MS4A15: variants seen among roughly 807,000 people sequenced by gnomAD.
MS4A15 encodes the protein membrane-spanning 4-domains subfamily A member 15.
A neutral mutation model predicts 20.6 loss-of-function variants in MS4A15; 22 were observed. The observed-to-expected ratio is 1.07, with a 90% CI of 0.76 to 1.52. The LOEUF (loss-of-function observed/expected upper bound fraction) is 1.52, where lower values mean the gene tolerates loss of function less well. Ranked by LOEUF, MS4A15 falls within the 40% of genes most tolerant of loss-of-function variation. MS4A15 has a pLI of 0.00. For synonymous variants in MS4A15, 129 were observed against 129.3 expected, an observed-to-expected ratio of 1.00 and a Z score of 0.02; for missense variants, 312 against 323.0, an observed-to-expected ratio of 0.97 and a Z score of 0.26.
At chr11:60,758,012 G>A (rs1853635339) in intron 1 of MS4A15, among the ~76,000 whole-genome samples, 1 of 152,214 alleles carries the variant, frequency 6.6e-6, no homozygotes. Context: ...TCTGGGAAAT[G>A]GCTATAAGAT....
intron 1 of MS4A15, 27 bp downstream of exon 1, chr11:60,757,085 G>A (rs958910997): frequency 2.0e-5 from 3 of 152,248 alleles, no homozygotes; most frequent in Admixed American, 1.3e-4. Flanking sequence ...ACTCCCGTCA[G>A]GAGGATGGGA....
chr11:60,758,067 C>T (rs536775577), intron 1 of MS4A15, among the ~76,000 whole-genome samples: 6 of 152,216 alleles, frequency 3.9e-5, no homozygotes, highest in Non-Finnish European at 8.8e-5. Flanking sequence ...TTGGTTTCAG[C>T]TGCAGAATAT....
At chr11:60,758,540 C>T (rs1437753302) in intron 1 of MS4A15, among the ~76,000 whole-genome samples, 1 of 152,220 alleles carries the variant, frequency 6.6e-6, no homozygotes, top group Non-Finnish European at 1.5e-5. Flanking sequence ...CTGACTCAAA[C>T]TTTTGCTGCA....
intron 3 of MS4A15, among the ~76,000 whole-genome samples, chr11:60,770,765 G>A (rs1417860944): frequency 1.3e-5 from 2 of 150,022 alleles, no homozygotes; most frequent in Non-Finnish European, 3.0e-5. Flanking sequence ...GAGTGCAGTG[G>A]CACTATCTTG....
chr11:60,765,815 C>T (rs1192669598), intron 2 of MS4A15, among the ~76,000 whole-genome samples: 1 of 150,518 alleles, frequency 6.6e-6, no homozygotes, highest in Non-Finnish European at 1.5e-5. Context: ...ACTTGTGGCC[C>T]ATGGAGACAG....
intron 4 of MS4A15, 58 bp from the exon 5 acceptor site, chr11:60,773,334 T>C: frequency 2.0e-6 from 3 of 1,471,914 alleles, no homozygotes; most frequent in South Asian, 2.4e-5. Flanking sequence ...CCACAGCCCC[T>C]GCCTTTTCTC....
chr11:60,775,327 A>AAAG (rs1554970135), intron 6 of MS4A15, among the ~76,000 whole-genome samples: 3 of 150,724 alleles, frequency 2.0e-5, no homozygotes, highest in Non-Finnish European at 3.0e-5. Context: ...CAAAAAAAAA[A>AAAG]AGAAAAGAAA....
intron 6 of MS4A15, 38 bp from the exon 7 acceptor site, chr11:60,775,567 A>G (rs771349033): frequency 4.5e-5 from 71 of 1,561,122 alleles, no homozygotes; most frequent in Non-Finnish European, 5.5e-5. Flanking sequence ...CTGAAGCTCC[A>G]GCGTCCTCCA....
chr11:60,757,586 G>T (rs1853626016), intron 1 of MS4A15, among the ~76,000 whole-genome samples: 1 of 152,038 alleles, frequency 6.6e-6, no homozygotes. Flanking sequence ...TCATGAGGAC[G>T]GACCGGAGCC....
At chr11:60,767,692 A>G (rs1853920321) in intron 3 of MS4A15, 37 bp downstream of exon 3, 4 of 1,508,326 alleles carry the variant, frequency 2.7e-6, no homozygotes, top group Non-Finnish European at 3.6e-6. Flanking sequence ...GGGTAGGGGG[A>G]TGCTGCCCAG....
At chr11:60,759,527 G>A (rs575978413) in intron 1 of MS4A15, among the ~76,000 whole-genome samples, 25 of 152,226 alleles carry the variant, frequency 1.6e-4, no homozygotes, top group South Asian at 4.1e-4. Flanking sequence ...CCCGACACCC[G>A]TAAAGGGTCT....
At chr11:60,764,082 A>G in intron 2 of MS4A15, 124 bp downstream of exon 2, 1 of 874,598 alleles carries the variant, frequency 1.1e-6, no homozygotes, top group Non-Finnish European at 1.7e-6. Context: ...TCAAAGATTC[A>G]GCCATGCACC....
chr11:60,775,672 C>T lies in MS4A15; in HGVS notation c.680C>T (p.Pro227Leu), dbSNP rs1342982575. 12 of 1,613,902 alleles carry T rather than the reference C, an allele frequency of 7.4e-6. No homozygotes were observed. The South Asian group carries it at 1.3e-4, about 18-fold the overall frequency. Residue 227 changes from proline to leucine, a missense_variant, in exon 7 of 7, where the codon CCC becomes CTC. By Grantham distance (98) the Pro-to-Leu change is moderately conservative. Transcript: ENST00000405633. ...FNIPSPAASA[P>L]PAYDNVAYAQ... The stretch of plus-strand genomic sequence containing the variant: ...ATCCCCAGCCCGGCAGCCTCTGCGC[C>T]CCCTGCCTATGACAATGTGGCATAT...
At chr11:60,760,922 G>C (rs1378315015) in intron 1 of MS4A15, among the ~76,000 whole-genome samples, 2 of 152,192 alleles carry the variant, frequency 1.3e-5, no homozygotes, top group African/African-American at 2.4e-5. Context: ...AGAAGCCTCT[G>C]TAACTGCAGA....
At chr11:60,757,255 T>A (rs922784633) in intron 1 of MS4A15, among the ~76,000 whole-genome samples, 197 bp downstream of exon 1, 4 of 152,258 alleles carry the variant, frequency 2.6e-5, no homozygotes, top group African/African-American at 9.6e-5. Flanking sequence ...TCGGCAGGAA[T>A]GCCCTTGGTT....
At chr11:60,775,361 G>A (rs1227482521) in intron 6 of MS4A15, among the ~76,000 whole-genome samples, 2 of 151,930 alleles carry the variant, frequency 1.3e-5, no homozygotes, top group East Asian at 3.9e-4. Context: ...GAACGTTAGC[G>A]CCTGGAGAAA....
chr11:60,764,100 C>T (rs1853821675), intron 2 of MS4A15, 142 bp downstream of exon 2: 2 of 742,834 alleles, frequency 2.7e-6, no homozygotes, highest in Non-Finnish European at 4.4e-6. Context: ...ACCAGGTAGA[C>T]AAGCACCCTT....
Position 60,775,743 on chromosome 11 carries a change from G to T in MS4A15, c.*28G>T. On this transcript the variant is annotated 3_prime_UTR_variant, in exon 7 of 7. Transcript: ENST00000405633. ...AGCAGATGTGGCACCTGCGGGTGGA[G>T]TCCAGCCTTTTCCCTCTGGGCCCAG... The T allele has an allele frequency of 6.3e-7, 1 of 1,584,478 alleles. No individual in the cohort carries two copies. The highest frequency in any genetic ancestry group is 8.6e-7 in the Non-Finnish European group (1 of 1,156,234).
At chr11:60,772,167 C>T (rs1246082018) in intron 4 of MS4A15, among the ~76,000 whole-genome samples, 4 of 152,094 alleles carry the variant, frequency 2.6e-5, no homozygotes, top group South Asian at 4.1e-4. Context: ...CGGAAGAGCC[C>T]GGTCGGGAAA....
Sources: allele counts gnomAD v4.1 joint callset (sites outside exome capture counted in the v4.1 genomes callset), GRCh38; gene constraint gnomAD v4.1.1; transcripts MANE v1.5; gene names NCBI Gene and HGNC (gene_info 2026-07-23, HGNC 2026-07-21).